The following DIPK2A variants were observed in gnomAD, a reference collection of about 807,000 sequenced individuals.
DIPK2A encodes the protein Golgi Protein of 49 kDa.
Under a neutral mutation model 39.0 loss-of-function variants are expected in DIPK2A, and 27 were observed. The observed-to-expected ratio is 0.69, with a 90% CI of 0.51 to 0.96. The LOEUF (loss-of-function observed/expected upper bound fraction) is 0.96, where lower values mean the gene tolerates loss of function less well. Ranked by LOEUF, DIPK2A falls within the 40% of genes least tolerant of loss-of-function variation. The probability of loss-of-function intolerance (pLI) is 0.00; values close to 1 mark genes in which losing one functional copy is unlikely to be tolerated. For missense variants in DIPK2A, 528 were observed against 571.3 expected (o/e 0.92, Z 0.77); for synonymous variants, 298 against 240.8 (o/e 1.24, Z -2.20).
At chr3:143,982,993 A>G (rs2087846805) in intron 1 of DIPK2A, among the ~76,000 whole-genome samples, 1 of 152,234 alleles carries the variant, frequency 6.6e-6, no homozygotes, top group South Asian at 2.1e-4. Context: ...CAAGGGCATT[A>G]CATAATGGTA....
chr3:143,987,017 A>G (rs1376516398), intron 2 of DIPK2A, among the ~76,000 whole-genome samples: 22 of 152,062 alleles, frequency 1.4e-4, no homozygotes, highest in Admixed American at 1.4e-3. Flanking sequence ...GATCCTATTA[A>G]ATACTTGATT....
intron 1 of DIPK2A, among the ~76,000 whole-genome samples, chr3:143,975,726 C>T (rs2087719495): frequency 6.6e-6 from 1 of 151,996 alleles, no homozygotes; most frequent in Non-Finnish European, 1.5e-5. Context: ...GTTTTAACAG[C>T]TTGAAGAGGA....
At position 143,985,684 on chromosome 3, in the gene DIPK2A, T is replaced by C. The variant is rs774761791; in HGVS notation, c.799T>C (p.Leu267=). The C allele has an allele frequency of 4.3e-6, 7 of 1,614,038 alleles. No individual in the cohort carries two copies. In the African/African-American group the frequency reaches 9.3e-5, roughly 22 times the overall value. Residue 267 remains leucine (L), a synonymous_variant, in exon 2 of 3, where the codon TTA becomes CTA. Coordinates refer to ENST00000315691, the MANE Select transcript of DIPK2A (RefSeq NM_173552.5). ...WEKRVDLAWQ[L]MEIAEQLTNN... Reference sequence around the variant, plus strand: ...AAAACGAGTTGACCTCGCTTGGCAATTAATGGAAATAGCAGAACAGCTTAC... The same window carrying C: ...AAAACGAGTTGACCTCGCTTGGCAACTAATGGAAATAGCAGAACAGCTTAC...
Position 143,972,739 on chromosome 3 carries a change from A to G in DIPK2A, c.407A>G (p.Asp136Gly). The G allele has an allele frequency of 6.3e-7, 1 of 1,584,706 alleles. No homozygotes were observed. Among genetic ancestry groups the G allele is most frequent in the Non-Finnish European group, 8.6e-7 (1 of 1,168,350 alleles). Residue 136 changes from aspartate to glycine, a missense_variant, in exon 1 of 3, where the codon GAC (aspartate) becomes GGC (glycine). Asp to Gly is a moderately conservative substitution (Grantham distance 94). This residue lies in a region of DIPK2A where 309 missense variants were observed against 289.8 expected (regional missense o/e 1.07). Transcript: ENST00000315691. ...CGGGCCACCGGCCGGCCCCGCTGCG[A>G]CCTGCTGCAGGCCATGCCCCGGACC... is the stretch of plus-strand genomic sequence containing the variant. ...CKRATGRPRC[D>G]LLQAMPRTEF...
At position 143,973,007 on chromosome 3, in the gene DIPK2A, G is replaced by A; in HGVS notation, c.657+18G>A. ...TGCTACAGGTAGGCGCGGAGCCAGG[G>A]CAGGGGGCGTCCTGGGAGGGGCCGC... On this transcript the variant is annotated intron_variant, in intron 1 of 2. Transcript: ENST00000315691. 1 of 1,564,436 alleles carries A rather than the reference G, an allele frequency of 6.4e-7. No individual in the cohort carries two copies.
chr3:143,985,313 T>A (rs529880179), intron 1 of DIPK2A, among the ~76,000 whole-genome samples: 1 of 152,374 alleles, frequency 6.6e-6, no homozygotes, highest in South Asian at 2.1e-4. Context: ...TAAGCAAGAC[T>A]TGTCATCCTA....
chr3:143,973,571 A>C, intron 1 of DIPK2A: 1 of 1,537,498 alleles, frequency 6.5e-7, no homozygotes, highest in Non-Finnish European at 8.8e-7. Context: ...GGGTGGGTTT[A>C]ATCTGTGAGC....
At position 143,991,693 on chromosome 3, in the gene DIPK2A, T is replaced by A. The variant is rs948855893; in HGVS notation, c.*1852T>A. The A allele has an allele frequency of 6.6e-6, 1 of 152,608 alleles. No individual in the cohort carries two copies. The highest frequency in any genetic ancestry group is 1.5e-5 in the Non-Finnish European group (1 of 68,030). 9.5% of individuals were successfully genotyped at this position (152,608 alleles called of 1,614,324 possible). ...TTAAGTGCTTGGAATTTTACTAAAC[T>A]GACTTTTTTGCAACTTTGGGAGATT... On this transcript the variant is annotated 3_prime_UTR_variant, in exon 3 of 3. Transcript: ENST00000315691.
In DIPK2A at chr3:143,985,579, T is replaced by C; in HGVS notation, c.694T>C (p.Tyr232His). 1 of 1,614,172 alleles carries C rather than the reference T, an allele frequency of 6.2e-7. No individual in the cohort carries two copies. Among genetic ancestry groups the C allele is most frequent in the Non-Finnish European group, 8.5e-7 (1 of 1,179,986 alleles). ...TGATGAAGGTTGGCCATTTGCAAAG[T>C]ATCTTGGAGCTTGTGGAAGAATGGT... ...PSDEGWPFAK[Y>H]LGACGRMVAV... The change falls in exon 2 of 3, where the codon TAT becomes CAT. Residue 232 changes from tyrosine to histidine, a missense_variant. Physicochemically the swap from Tyr to His is moderately conservative, Grantham distance 83. Transcript: ENST00000315691.
rs2087999179 is a variant in DIPK2A at position 143,992,340 on chromosome 3, T to C, written c.*2499T>C. ...AAGTTGTTTCTACAACTTTTAATGATCTTAATAAAGAATACTTTAAGAATC... is the reference window on the plus strand; with the variant it reads ...AAGTTGTTTCTACAACTTTTAATGACCTTAATAAAGAATACTTTAAGAATC... On this transcript the variant is annotated 3_prime_UTR_variant, in exon 3 of 3. Coordinates refer to ENST00000315691, the MANE Select transcript of DIPK2A (RefSeq NM_173552.5). 1 of 152,612 alleles carries C rather than the reference T, an allele frequency of 6.6e-6. No homozygotes were observed. The highest frequency in any genetic ancestry group is 2.1e-4 in the South Asian group (1 of 4,832). The allele number at this position is 152,612 out of a possible 1,614,324, so 9.5% of individuals were successfully genotyped here.
chr3:143,972,891 A>C lies in DIPK2A; in HGVS notation c.559A>C (p.Lys187Gln). ...DRLVRRYAET[K>Q]DSGSFLLRNL... ...CCTGGTGCGCCGCTACGCGGAGACC[A>C]AGGACTCGGGCAGCTTCCTGCTTCG... The change falls in exon 1 of 3, where the codon AAG becomes CAG. Residue 187 changes from lysine to glutamine, a missense_variant. This residue lies in a region of DIPK2A where 309 missense variants were observed against 289.8 expected (regional missense o/e 1.07). Coordinates refer to ENST00000315691, the MANE Select transcript of DIPK2A (RefSeq NM_173552.5). 3.2e-6 allele frequency: 5 copies of C among 1,581,392 alleles called. No homozygotes were observed. The highest frequency in any genetic ancestry group is 4.3e-6 in the Non-Finnish European group (5 of 1,165,880).
intron 2 of DIPK2A, chr3:143,986,165 AAAAC>A (rs2087897122): frequency 4.0e-6 from 1 of 249,844 alleles, no homozygotes; most frequent in East Asian, 8.8e-5. Context: ...GAAATTGTGT[AAAAC>A]AAAGCCTATT....
In DIPK2A at chr3:143,990,025, T is replaced by C. The variant is rs1181401414; in HGVS notation, c.*184T>C. On this transcript the variant is annotated 3_prime_UTR_variant, in exon 3 of 3. Transcript: ENST00000315691. ...CATTACTTCAAAAATCACATGATGC[T>C]TCTGCAAATAAGTATGTTCTTATAC... The C allele has an allele frequency of 1.7e-6, 1 of 590,670 alleles. No homozygotes were observed. Among genetic ancestry groups the C allele is most frequent in the Non-Finnish European group, 3.0e-6 (1 of 334,988 alleles). 36.6% of individuals were successfully genotyped at this position (590,670 alleles called of 1,614,324 possible).
chr3:143,973,712 T>C lies in DIPK2A; in HGVS notation c.657+723T>C, dbSNP rs575255940. The C allele has an allele frequency of 1.8e-4, 118 of 638,794 alleles. No homozygotes were observed. The Middle Eastern group carries it at 6.7e-3, about 36-fold the overall frequency. 39.6% of individuals were successfully genotyped at this position (638,794 alleles called of 1,614,324 possible). On this transcript the variant is annotated intron_variant, in intron 1 of 2. Coordinates refer to ENST00000315691, the MANE Select transcript of DIPK2A (RefSeq NM_173552.5). ...GACCTGCCCTATTCATCTGGTAATCTAGTTGAAGGGAGATGAAATATTAGG... is the reference window on the plus strand; with the variant it reads ...GACCTGCCCTATTCATCTGGTAATCCAGTTGAAGGGAGATGAAATATTAGG...
intron 2 of DIPK2A, 24 bp from the exon 3 acceptor site, chr3:143,989,486 C>A (rs1272143051): frequency 9.1e-6 from 14 of 1,544,588 alleles, no homozygotes; most frequent in Non-Finnish European, 1.2e-5. Context: ...TTTTTTTCTA[C>A]TTCTGCTTTT....
intron 1 of DIPK2A, among the ~76,000 whole-genome samples, chr3:143,975,687 T>C (rs1330034133): frequency 6.6e-6 from 1 of 152,130 alleles, no homozygotes; most frequent in Non-Finnish European, 1.5e-5. Context: ...GCTTCATGTA[T>C]TAAAAAATAT....
rs1402942692 is a variant in DIPK2A, at chr3:143,972,711, A to G, written c.379A>G (p.Lys127Glu). Residue 127 changes from lysine (K) to glutamate (E), a missense_variant, in exon 1 of 3, where the codon AAG becomes GAG. By Grantham distance (56) the Lys-to-Glu change is moderately conservative. Coordinates refer to ENST00000315691, the MANE Select transcript of DIPK2A (RefSeq NM_173552.5). ...GGCGCAGCTCGACCAGAGCATCTGC[A>G]AGCGGGCCACCGGCCGGCCCCGCTG... is the stretch of plus-strand genomic sequence containing the variant. Reference protein sequence around the residue: ...ELAQLDQSICKRATGRPRCDL... With the variant: ...ELAQLDQSICERATGRPRCDL... 2.5e-6 allele frequency: 4 copies of G among 1,601,362 alleles called. No homozygotes were observed. Among genetic ancestry groups the G allele is most frequent in the South Asian group, 1.1e-5 (1 of 90,430 alleles).
intron 1 of DIPK2A, among the ~76,000 whole-genome samples, chr3:143,983,119 A>G (rs2087848408): frequency 6.6e-6 from 1 of 152,154 alleles, no homozygotes; most frequent in African/African-American, 2.4e-5. Flanking sequence ...ACTCCCACAC[A>G]ATAATAGTGG....
At chr3:143,977,406 T>C (rs1288430555) in intron 1 of DIPK2A, among the ~76,000 whole-genome samples, 1 of 151,788 alleles carries the variant, frequency 6.6e-6, no homozygotes, top group East Asian at 1.9e-4. Context: ...GGATTGGGAG[T>C]GGGATGCTCT....
Sources: allele counts gnomAD v4.1 joint callset (sites outside exome capture counted in the v4.1 genomes callset), GRCh38; gene constraint gnomAD v4.1.1; regional missense constraint gnomAD v4.1.1; transcripts MANE v1.5; gene names NCBI Gene and HGNC (gene_info 2026-07-23, HGNC 2026-07-21).